TAFA1: variants seen among roughly 807,000 people sequenced by gnomAD.
TAFA1 encodes the protein TAFA chemokine like family member 1.
In TAFA1, 4 loss-of-function variants were observed where a neutral mutation model predicts 18.5. The observed-to-expected ratio is 0.22, with a 90% CI of 0.11 to 0.49. TAFA1 has a LOEUF of 0.49. Among genes scored for constraint, TAFA1 ranks in the 20% least tolerant of loss-of-function variants. The pLI is 0.98. For synonymous variants in TAFA1, 56 were observed against 55.2 expected (o/e 1.01, Z -0.06); for missense variants, 147 against 169.0 (o/e 0.87, Z 0.72).
At chr3:68,182,936 G>T (rs770962660) in intron 2 of TAFA1, among the ~76,000 whole-genome samples, 2 of 152,096 alleles carry the variant, frequency 1.3e-5, no homozygotes, top group Admixed American at 6.5e-5. Context: ...TTGTGTCTAG[G>T]TTCCAGAGGT....
chr3:68,423,204 TACC>T, intron 3 of TAFA1, among the ~76,000 whole-genome samples: 1 of 152,240 alleles, frequency 6.6e-6, no homozygotes, highest in Non-Finnish European at 1.5e-5. Context: ...AAATAATGTT[TACC>T]ATTTTTTAAG....
intron 2 of TAFA1, among the ~76,000 whole-genome samples, chr3:68,066,332 A>G (rs555572467): frequency 6.6e-6 from 1 of 152,196 alleles, no homozygotes; most frequent in Non-Finnish European, 1.5e-5. Context: ...GTCCAGTGCT[A>G]TATTCCAGCT....
At chr3:68,294,442 A>G (rs2068169879) in intron 2 of TAFA1, among the ~76,000 whole-genome samples, 1 of 152,260 alleles carries the variant, frequency 6.6e-6, no homozygotes, top group Non-Finnish European at 1.5e-5. Flanking sequence ...CAATGTATCT[A>G]TGACACTTTC....
chr3:68,257,591 C>T (rs1046158397), intron 2 of TAFA1, among the ~76,000 whole-genome samples: 4 of 152,078 alleles, frequency 2.6e-5, no homozygotes, highest in African/African-American at 9.7e-5. Context: ...TTTATTTAAT[C>T]CTCACAATAA....
chr3:68,001,901 T>G (rs1285803518), upstream of TAFA1, among the ~76,000 whole-genome samples: 1 of 152,186 alleles, frequency 6.6e-6, no homozygotes, highest in Non-Finnish European at 1.5e-5. Flanking sequence ...AGGCTGATAG[T>G]GCAACTTGTC....
chr3:68,021,179 C>T lies in TAFA1; in HGVS notation c.118+14435C>T, dbSNP rs6787738. Among the ~76,000 whole-genome samples the T allele has an allele frequency of 9.8e-4, 71 of 72,780 alleles. 1 individual carries two copies. Among genetic ancestry groups the T allele is most frequent in the African/African-American group, 3.1e-3 (58 of 18,716 alleles). 47.7% of individuals were successfully genotyped at this position (72,780 alleles called of 152,430 possible). A position where few individuals can be genotyped will look rare whatever the true frequency, so the allele number is the denominator to read the frequency against. ...CCAGCCTAGTCAACAGAACAAGACC[C>T]TGTCTCAAAAAAAAAAAAAAAAAAA... is the stretch of plus-strand genomic sequence containing the variant. On this transcript the variant is annotated intron_variant, in intron 2 of 4. Coordinates refer to ENST00000478136, the MANE Select transcript of TAFA1 (RefSeq NM_213609.4).
intron 3 of TAFA1, among the ~76,000 whole-genome samples, chr3:68,501,144 G>T (rs958941225): frequency 2.7e-5 from 3 of 111,766 alleles, no homozygotes; most frequent in African/African-American, 1.1e-4. Context: ...AGCAGAGTGA[G>T]ACCCTGTCTG....
At chr3:68,216,492 A>G (rs2066658884) in intron 2 of TAFA1, among the ~76,000 whole-genome samples, 2 of 152,116 alleles carry the variant, frequency 1.3e-5, no homozygotes, top group South Asian at 4.1e-4. Flanking sequence ...GACTGTGCAT[A>G]AGCACTGAGA....
In TAFA1 at chr3:68,498,184, A is replaced by G. The variant is rs541412562; in HGVS notation, c.260-40572A>G. 3.1e-4 allele frequency among the ~76,000 whole-genome samples: 47 copies of G among 152,328 alleles called. No homozygotes were observed. The South Asian group carries it at 8.7e-3, about 28-fold the overall frequency. On this transcript the variant is annotated intron_variant, in intron 3 of 4. Coordinates refer to ENST00000478136, the MANE Select transcript of TAFA1 (RefSeq NM_213609.4). Reference sequence around the variant, plus strand: ...CTTTTTCCTCATCTGTCAAATGGGCATAAGGATAGTGTCTACCTCATGAAG... The same window carrying G: ...CTTTTTCCTCATCTGTCAAATGGGCGTAAGGATAGTGTCTACCTCATGAAG...
At chr3:68,200,653 T>TG (rs1323023195) in intron 2 of TAFA1, among the ~76,000 whole-genome samples, 2 of 151,606 alleles carry the variant, frequency 1.3e-5, no homozygotes, top group Non-Finnish European at 3.0e-5. Context: ...ATACTTTCAA[T>TG]GTACATGGGA....
intron 3 of TAFA1, among the ~76,000 whole-genome samples, chr3:68,526,143 G>A (rs941953048): frequency 6.6e-6 from 1 of 152,148 alleles, no homozygotes; most frequent in African/African-American, 2.4e-5. Context: ...AAGAGGTTTT[G>A]CATGCTCTGT....
chr3:68,167,640 CA>C (rs2066000862), intron 2 of TAFA1, among the ~76,000 whole-genome samples: 1 of 150,598 alleles, frequency 6.6e-6, no homozygotes, highest in Non-Finnish European at 1.5e-5. Flanking sequence ...GGGCCTCAAT[CA>C]ATCAACCACA....
chr3:68,064,475 G>A (rs2064647103), intron 2 of TAFA1, among the ~76,000 whole-genome samples: 3 of 152,130 alleles, frequency 2.0e-5, no homozygotes, highest in Admixed American at 1.3e-4. Flanking sequence ...AATTGAAAAC[G>A]AGCAGTTGCA....
chr3:68,122,054 T>C (rs943532741), intron 2 of TAFA1, among the ~76,000 whole-genome samples: 1 of 152,120 alleles, frequency 6.6e-6, no homozygotes, highest in Non-Finnish European at 1.5e-5. Flanking sequence ...TCTCATGAGG[T>C]GGGTACTCTT....
At chr3:68,491,899 C>G (rs1454026911) in intron 3 of TAFA1, among the ~76,000 whole-genome samples, 2 of 152,160 alleles carry the variant, frequency 1.3e-5, no homozygotes, top group African/African-American at 4.8e-5. Context: ...AAATCTGCAT[C>G]TTAACAAGAC....
At chr3:68,207,175 A>G (rs961255518) in intron 2 of TAFA1, among the ~76,000 whole-genome samples, 1 of 151,954 alleles carries the variant, frequency 6.6e-6, no homozygotes, top group African/African-American at 2.4e-5. Context: ...AAAAATGGAG[A>G]TACTGCTTTC....
intron 2 of TAFA1, among the ~76,000 whole-genome samples, chr3:68,250,175 T>G (rs1388739488): frequency 1.3e-5 from 2 of 151,970 alleles, no homozygotes; most frequent in Non-Finnish European, 2.9e-5. Context: ...GACTTCTCCA[T>G]GTACTAACTG....
intron 2 of TAFA1, among the ~76,000 whole-genome samples, chr3:68,264,963 A>G (rs533017264): frequency 6.6e-6 from 1 of 152,192 alleles, no homozygotes; most frequent in Non-Finnish European, 1.5e-5. Flanking sequence ...GATCTGCTAT[A>G]ATAATATGTC....
chr3:68,228,057 A>G (rs1283592276), intron 2 of TAFA1, among the ~76,000 whole-genome samples: 4 of 152,144 alleles, frequency 2.6e-5, no homozygotes, highest in African/African-American at 9.6e-5. Flanking sequence ...GGAAAGATAG[A>G]ACACAGGCTG....
Sources: gnomAD v4.1 joint callset for allele counts (sites outside exome capture counted in the v4.1 genomes callset) on GRCh38, gnomAD v4.1.1 for gene constraint, MANE v1.5 for transcripts, NCBI Gene and HGNC (gene_info 2026-07-23, HGNC 2026-07-21) for gene names.